The following TBCD variants were observed in gnomAD, a reference collection of about 807,000 sequenced individuals.
TBCD encodes tubulin folding cofactor D.
Under a neutral mutation model 169.3 loss-of-function variants are expected in TBCD, and 105 were observed. The ratio of observed to expected loss-of-function variants is 0.62; its 90% CI spans 0.53 to 0.73. The LOEUF is 0.73. Ranked by LOEUF, TBCD falls within the 30% of genes least tolerant of loss-of-function variation. TBCD has a pLI of 0.00. For missense variants in TBCD, 1,444 were observed against 1,600.1 expected (o/e 0.90, Z 1.66); for synonymous variants, 700 against 643.9 (o/e 1.09, Z -1.32).
At chr17:82,794,203 C>T (rs1266178041) in intron 7 of TBCD, among the ~76,000 whole-genome samples, 1 of 152,186 alleles carries the variant, frequency 6.6e-6, no homozygotes, top group African/African-American at 2.4e-5. Flanking sequence ...GGTGAGCTTG[C>T]TCCCGAGTAG....
intron 13 of TBCD, among the ~76,000 whole-genome samples, chr17:82,825,923 G>A (rs955325572): frequency 3.3e-5 from 5 of 152,200 alleles, no homozygotes; most frequent in Non-Finnish European, 7.3e-5. Context: ...CTGTGATCGC[G>A]CCACTGCACT....
At chr17:82,767,939 G>GC (rs1336227694) in intron 4 of TBCD, among the ~76,000 whole-genome samples, 2 of 151,270 alleles carry the variant, frequency 1.3e-5, no homozygotes, top group African/African-American at 4.8e-5. Flanking sequence ...GGGCAACAGA[G>GC]CGAGACTCCA....
At position 82,889,737 on chromosome 17, in the gene TBCD, T is replaced by C. The variant is rs1269401100; in HGVS notation, c.1563+40T>C. 1 of 1,611,176 alleles carries C rather than the reference T, an allele frequency of 6.2e-7. No individual in the cohort carries two copies. Among genetic ancestry groups the C allele is most frequent in the South Asian group, 1.1e-5 (1 of 90,784 alleles). On this transcript the variant is annotated intron_variant, in intron 16 of 38. Coordinates refer to ENST00000355528, the MANE Select transcript of TBCD (RefSeq NM_005993.5). The surrounding 1 kb of genome is among the most constrained non-coding windows in gnomAD (Gnocchi z 5.3). The stretch of plus-strand genomic sequence containing the variant: ...AAACACCTTTATTCCAAAAACTTCC[T>C]GCGGGTTTATAGGTAGGAATCTTGA...
At chr17:82,878,514 CGT>C (rs34526056) in intron 14 of TBCD, among the ~76,000 whole-genome samples, 90,942 of 151,786 alleles carry the variant, frequency 0.6, 27,251 homozygotes, top group East Asian at 0.71. Context: ...GATGCTTTCT[CGT>C]GTGTTACTGG....
intron 23 of TBCD, among the ~76,000 whole-genome samples, chr17:82,917,231 G>C (rs1182854304): frequency 6.6e-6 from 1 of 151,934 alleles, no homozygotes; most frequent in Non-Finnish European, 1.5e-5. Context: ...CGTTGGCCAG[G>C]CTGGTCTCGA....
At chr17:82,927,864 CCT>C (rs769319005) in intron 29 of TBCD, 39 bp from the exon 30 acceptor site, 1 of 1,578,424 alleles carries the variant, frequency 6.3e-7, no homozygotes, top group East Asian at 2.2e-5. Context: ...TTGGAACCCC[CCT>C]CTCAAGCTGG....
At chr17:82,844,168 T>G (rs552100915) in intron 13 of TBCD, among the ~76,000 whole-genome samples, 38 of 134,938 alleles carry the variant, frequency 2.8e-4, no homozygotes, top group Middle Eastern at 3.8e-3. Flanking sequence ...GATAGCTTTC[T>G]TTTAGTGGGG....
At chr17:82,799,771 G>A (rs967686745) in intron 8 of TBCD, among the ~76,000 whole-genome samples, 2 of 152,210 alleles carry the variant, frequency 1.3e-5, no homozygotes, top group Non-Finnish European at 2.9e-5. Flanking sequence ...CCTTGGTGAC[G>A]TGAACACAGA....
chr17:82,900,670 C>T lies in TBCD; in HGVS notation c.1669C>T (p.Pro557Ser). The T allele has an allele frequency of 6.2e-7, 1 of 1,613,972 alleles. No individual in the cohort carries two copies. Among genetic ancestry groups the T allele is most frequent in the Non-Finnish European group, 8.5e-7 (1 of 1,179,868 alleles). The stretch of plus-strand genomic sequence containing the variant: ...TTCCAGTGTGTTTATTGCCGGCTTT[C>T]CTGAGTACACGCAGCCAATGATAGA... ...LVISVFIAGFPEYTQPMIDHL... is the reference protein window; with the variant it reads ...LVISVFIAGFSEYTQPMIDHL... Residue 557 changes from proline (P) to serine (S), a missense_variant, in exon 18 of 39, where the codon CCT (proline) becomes TCT (serine). Coordinates refer to ENST00000355528, the MANE Select transcript of TBCD (RefSeq NM_005993.5).
At chr17:82,912,235 G>A (rs1759250307) in intron 23 of TBCD, among the ~76,000 whole-genome samples, 1 of 152,162 alleles carries the variant, frequency 6.6e-6, no homozygotes, top group South Asian at 2.1e-4. Flanking sequence ...CTCAGGCGGG[G>A]GCAAGAGGAA....
At chr17:82,942,363 CAG>C (rs2063389544) in intron 38 of TBCD, 84 bp from the exon 39 acceptor site, 3 of 1,591,304 alleles carry the variant, frequency 1.9e-6, no homozygotes, top group African/African-American at 1.3e-5. Flanking sequence ...AGTCCCCACA[CAG>C]GGCCCAGAGG....
intron 13 of TBCD, among the ~76,000 whole-genome samples, chr17:82,821,034 C>T (rs2052374050): frequency 6.6e-6 from 1 of 152,190 alleles, no homozygotes; most frequent in Non-Finnish European, 1.5e-5. Context: ...CGGCTTACTG[C>T]AGCCTCAACC....
intron 13 of TBCD, among the ~76,000 whole-genome samples, chr17:82,824,347 A>T (rs1309669761): frequency 1.3e-5 from 2 of 151,624 alleles, no homozygotes; most frequent in African/African-American, 2.4e-5. Context: ...ATGCCCGGCT[A>T]ATTCGTTTTG....
At chr17:82,798,883 C>T (rs2050296273) in intron 8 of TBCD, among the ~76,000 whole-genome samples, 2 of 152,134 alleles carry the variant, frequency 1.3e-5, no homozygotes, top group East Asian at 3.9e-4. Context: ...GCTGGGACTA[C>T]AGGCGAGCTC....
chr17:82,834,713 G>C (rs2001310), intron 13 of TBCD, among the ~76,000 whole-genome samples: 1 of 142,600 alleles, frequency 7.0e-6, no homozygotes, highest in Non-Finnish European at 1.5e-5. Context: ...ACCAGGGCCT[G>C]TTTAGGGGTG....
intron 13 of TBCD, among the ~76,000 whole-genome samples, chr17:82,841,077 G>A (rs1156842893): frequency 6.8e-6 from 1 of 148,104 alleles, no homozygotes; most frequent in Non-Finnish European, 1.5e-5. Flanking sequence ...CGAGTAGCTG[G>A]GACTACAGGC....
chr17:82,834,139 G>A (rs2145316124), intron 13 of TBCD, among the ~76,000 whole-genome samples: 1 of 152,220 alleles, frequency 6.6e-6, no homozygotes, highest in African/African-American at 2.4e-5. Context: ...GTAGAGACGG[G>A]GTTTTGCCAT....
At chr17:82,934,582 C>T (rs965989604) in intron 34 of TBCD, among the ~76,000 whole-genome samples, 3 of 152,022 alleles carry the variant, frequency 2.0e-5, no homozygotes. Flanking sequence ...AAGTGATTCT[C>T]CTGCCTCAGC....
chr17:82,783,559 T>C (rs1459668987), intron 7 of TBCD, among the ~76,000 whole-genome samples: 2 of 152,208 alleles, frequency 1.3e-5, no homozygotes, highest in African/African-American at 2.4e-5. Context: ...GCTGTCCCTG[T>C]GGACTTGCTG....
Sources: allele counts gnomAD v4.1 joint callset (sites outside exome capture counted in the v4.1 genomes callset), GRCh38; gene constraint gnomAD v4.1.1; non-coding constraint Gnocchi (gnomAD v3.1); transcripts MANE v1.5; gene names NCBI Gene and HGNC (gene_info 2026-07-23, HGNC 2026-07-21).